SHISA6: variants seen among roughly 807,000 people sequenced by gnomAD.
The protein encoded by SHISA6 is shisa family member 6, also known as protein shisa-6.
A neutral mutation model predicts 47.9 loss-of-function variants in SHISA6; 22 were observed. That is an observed-to-expected ratio of 0.46 (90% CI 0.33 to 0.66). The LOEUF (loss-of-function observed/expected upper bound fraction) is 0.66, where lower values mean the gene tolerates loss of function less well. Ranked by LOEUF, SHISA6 falls within the 30% of genes least tolerant of loss-of-function variation. The probability of loss-of-function intolerance (pLI) is 0.02; values close to 1 mark genes in which losing one functional copy is unlikely to be tolerated. For synonymous variants in SHISA6, 388 were observed against 337.8 expected (o/e 1.15, Z -1.63); for missense variants, 680 against 764.6 (o/e 0.89, Z 1.30).
chr17:11,272,982 G>A (rs2142154301), intron 2 of SHISA6, among the ~76,000 whole-genome samples: 1 of 152,290 alleles, frequency 6.6e-6, no homozygotes, highest in South Asian at 2.1e-4. Context: ...CGTGCCCCTG[G>A]CCTGCCAGAG....
intron 3 of SHISA6, among the ~76,000 whole-genome samples, chr17:11,416,656 G>A (rs939751140): frequency 6.6e-6 from 1 of 152,148 alleles, no homozygotes; most frequent in South Asian, 2.1e-4. Flanking sequence ...TTATGCGTTG[G>A]CTTTTAAACA....
intron 1 of SHISA6, among the ~76,000 whole-genome samples, chr17:11,251,645 C>T (rs1907815490): frequency 6.6e-6 from 1 of 152,170 alleles, no homozygotes; most frequent in African/African-American, 2.4e-5. Context: ...TGTCTAACAT[C>T]TAGCATCGTG....
At chr17:11,321,933 ATTC>A (rs1316131620) in intron 2 of SHISA6, among the ~76,000 whole-genome samples, 2 of 152,088 alleles carry the variant, frequency 1.3e-5, no homozygotes, top group African/African-American at 2.4e-5. Flanking sequence ...GCTCAAGACA[ATTC>A]TTCTTCTTCC....
intron 5 of SHISA6, among the ~76,000 whole-genome samples, chr17:11,556,935 C>T (rs2071986395): frequency 6.6e-6 from 1 of 152,146 alleles, no homozygotes; most frequent in African/African-American, 2.4e-5. Flanking sequence ...AGGCTTGTAG[C>T]ATGCAAGTTC....
chr17:11,334,793 G>C (rs1005333450), intron 2 of SHISA6, among the ~76,000 whole-genome samples: 1 of 152,236 alleles, frequency 6.6e-6, no homozygotes, highest in Non-Finnish European at 1.5e-5. Context: ...ACAGCTGCCT[G>C]TAGGATCTTT....
intron 3 of SHISA6, among the ~76,000 whole-genome samples, chr17:11,431,525 A>G (rs1914774511): frequency 6.6e-6 from 1 of 152,238 alleles, no homozygotes; most frequent in Non-Finnish European, 1.5e-5. Flanking sequence ...AGGAAATGAT[A>G]TTGTGGACAC....
intron 2 of SHISA6, among the ~76,000 whole-genome samples, chr17:11,273,160 T>G (rs1049187034): frequency 1.3e-5 from 2 of 152,194 alleles, no homozygotes; most frequent in Non-Finnish European, 2.9e-5. Context: ...GGAAACAGGT[T>G]CAATGGGGAT....
intron 2 of SHISA6, among the ~76,000 whole-genome samples, chr17:11,331,366 A>C (rs1911105168): frequency 6.6e-6 from 1 of 152,298 alleles, no homozygotes; most frequent in East Asian, 1.9e-4. Context: ...TGCTTAATGT[A>C]AGTTCTCACA....
At chr17:11,249,284 G>A (rs530959838) in intron 1 of SHISA6, among the ~76,000 whole-genome samples, 2 of 150,794 alleles carry the variant, frequency 1.3e-5, no homozygotes, top group African/African-American at 4.9e-5. Flanking sequence ...TCCAGTGGCC[G>A]TGTGTGTGTG....
chr17:11,388,592 T>A (rs1913268685), intron 3 of SHISA6, among the ~76,000 whole-genome samples: 1 of 151,712 alleles, frequency 6.6e-6, no homozygotes, highest in African/African-American at 2.4e-5. Flanking sequence ...CCCATGACCC[T>A]GGTTAGCACA....
At chr17:11,378,922 C>T (rs1003499312) in intron 2 of SHISA6, among the ~76,000 whole-genome samples, 24 of 151,902 alleles carry the variant, frequency 1.6e-4, no homozygotes, top group Admixed American at 1.2e-3. Context: ...ATGAAAGAGA[C>T]AGAGGGAAGG....
chr17:11,339,426 A>ACC (rs11368499), intron 2 of SHISA6, among the ~76,000 whole-genome samples: 133 of 151,930 alleles, frequency 8.8e-4, no homozygotes, highest in South Asian at 1.2e-3. Flanking sequence ...GATTCACTAC[A>ACC]CCCCCCCTCC....
chr17:11,398,383 G>A (rs1913648219), intron 3 of SHISA6, among the ~76,000 whole-genome samples: 1 of 152,064 alleles, frequency 6.6e-6, no homozygotes, highest in Non-Finnish European at 1.5e-5. Context: ...TCGTCTTACA[G>A]GATGCCACTA....
chr17:11,435,363 T>C (rs188148291), intron 3 of SHISA6, among the ~76,000 whole-genome samples: 1 of 152,180 alleles, frequency 6.6e-6, no homozygotes, highest in East Asian at 1.9e-4. Flanking sequence ...AAGTCTCACC[T>C]CAAAATAAAA....
At chr17:11,340,410 C>T (rs115031679) in intron 2 of SHISA6, among the ~76,000 whole-genome samples, 491 of 152,316 alleles carry the variant, frequency 3.2e-3, no homozygotes, top group African/African-American at 0.011. Flanking sequence ...TCCCATGGTC[C>T]TCATCATGCA....
chr17:11,274,013 A>C (rs1355615669), intron 2 of SHISA6, among the ~76,000 whole-genome samples: 3 of 152,244 alleles, frequency 2.0e-5, no homozygotes, highest in Non-Finnish European at 4.4e-5. Context: ...CCTTAAGGAC[A>C]GGTGTGCCCA....
At chr17:11,272,970 C>CTCG (rs1311698017) in intron 2 of SHISA6, among the ~76,000 whole-genome samples, 1 of 152,204 alleles carries the variant, frequency 6.6e-6, no homozygotes, top group Non-Finnish European at 1.5e-5. Flanking sequence ...GTTGTAGACA[C>CTCG]TCGTGCCCCT....
chr17:11,499,831 G>A (rs1475232573), intron 3 of SHISA6, among the ~76,000 whole-genome samples: 3 of 151,676 alleles, frequency 2.0e-5, no homozygotes, highest in Admixed American at 2.0e-4. Context: ...CCTTCTGAGT[G>A]GCTAAGATTA....
chr17:11,502,184 C>T lies in SHISA6; in HGVS notation c.896-49712C>T, dbSNP rs796193691. 2.4e-3 allele frequency among the ~76,000 whole-genome samples: 354 copies of T among 146,638 alleles called. 2 individuals are homozygous for T. The highest frequency in any genetic ancestry group is 8.2e-3 in the African/African-American group (326 of 39,756). On this transcript the variant is annotated intron_variant, in intron 3 of 5. Transcript: ENST00000441885. ...CAGCACTTTGGGAGGCCGAGGCGGG[C>T]GGATCACGAGGTCAGGAGATCGAGA...
Sources: gnomAD v4.1 joint callset for allele counts (sites outside exome capture counted in the v4.1 genomes callset) on GRCh38, gnomAD v4.1.1 for gene constraint, MANE v1.5 for transcripts, NCBI Gene and HGNC (gene_info 2026-07-23, HGNC 2026-07-21) for gene names.